The following ACSL1 variants were observed in gnomAD, a reference collection of about 807,000 sequenced individuals.
ACSL1 encodes acyl-CoA synthetase long chain family member 1.
A neutral mutation model predicts 98.4 loss-of-function variants in ACSL1; 41 were observed. That is an observed-to-expected ratio of 0.42 (90% CI 0.32 to 0.54). ACSL1 has a LOEUF of 0.54. Ranked by LOEUF, ACSL1 falls within the 20% of genes least tolerant of loss-of-function variation. The pLI is 0.13. For synonymous variants in ACSL1, 316 were observed against 322.7 expected, an observed-to-expected ratio of 0.98 and a Z score of 0.22; for missense variants, 734 against 883.1, an observed-to-expected ratio of 0.83 and a Z score of 2.14.
chr4:184,792,631 G>T (rs938565241), intron 2 of ACSL1, among the ~76,000 whole-genome samples: 4 of 152,174 alleles, frequency 2.6e-5, no homozygotes, highest in African/African-American at 7.2e-5. Flanking sequence ...TAGAGGCAAG[G>T]TCTCACTATG....
intron 4 of ACSL1, 141 bp downstream of exon 4, chr4:184,783,786 T>C: frequency 2.6e-6 from 2 of 767,280 alleles, no homozygotes; most frequent in East Asian, 2.5e-5. Context: ...AGTTTCTCCT[T>C]GGATGCCCCA....
At chr4:184,777,941 T>G (rs1765570104) in intron 5 of ACSL1, among the ~76,000 whole-genome samples, 1 of 152,180 alleles carries the variant, frequency 6.6e-6, no homozygotes, top group African/African-American at 2.4e-5. Flanking sequence ...AAACAGCGGC[T>G]GTGGGGCTCA....
chr4:184,764,752 A>G, intron 15 of ACSL1, 101 bp downstream of exon 15: 1 of 1,056,434 alleles, frequency 9.5e-7, no homozygotes, highest in Non-Finnish European at 1.4e-6. Flanking sequence ...ACTTTTGTTT[A>G]AGATGGTTAA....
At chr4:184,759,855 CTCTTCCTTGGCATCATCTGTCCAACAT>C (rs1579827050) in intron 18 of ACSL1, among the ~76,000 whole-genome samples, 1 of 152,232 alleles carries the variant, frequency 6.6e-6, no homozygotes, top group East Asian at 1.9e-4. Context: ...ACCAGATCCT[CTCTTCCTTGGCATCATCTGTCCAACAT>C]TTTGGCAAAT....
intron 5 of ACSL1, among the ~76,000 whole-genome samples, chr4:184,777,867 G>T (rs577697609): frequency 6.6e-6 from 1 of 152,144 alleles, no homozygotes; most frequent in Non-Finnish European, 1.5e-5. Flanking sequence ...TAGTGAGAGC[G>T]ATCTGACTGG....
Position 184,771,279 on chromosome 4 carries a change from C to T in ACSL1, c.916-803G>A, listed in dbSNP as rs57981372. Among the ~76,000 whole-genome samples, 875 of 152,236 alleles carry T rather than the reference C, an allele frequency of 5.7e-3. 10 individuals carry two copies. The highest frequency in any genetic ancestry group is 0.02 in the African/African-American group (839 of 41,534). ...GCTCTAATCAGTTAGTATTTCATCACTACAGTATCCTAGTACCCAGCAAGT... is the reference window on the plus strand; with the variant it reads ...GCTCTAATCAGTTAGTATTTCATCATTACAGTATCCTAGTACCCAGCAAGT... On this transcript the variant is annotated intron_variant, in intron 10 of 20. Coordinates refer to ENST00000281455, the MANE Select transcript of ACSL1 (RefSeq NM_001995.5).
Position 184,768,507 on chromosome 4 carries a change from A to AT in ACSL1, c.994-58dup. ...ATCACCACAGCAGGGGTTACACAAC[A>AT]TATGGACAACATCCAACATTTCAGT... On this transcript the variant is annotated intron_variant, in intron 11 of 20. Transcript: ENST00000281455. 1.9e-6 allele frequency: 3 copies of AT among 1,554,772 alleles called. No homozygotes were observed. The South Asian group carries it at 3.8e-5, about 20-fold the overall frequency.
chr4:184,773,936 T>C lies in ACSL1; in HGVS notation c.757-61A>G. The C allele has an allele frequency of 6.3e-7, 1 of 1,583,798 alleles. No individual in the cohort carries two copies. The highest frequency in any genetic ancestry group is 1.1e-5 in the South Asian group (1 of 89,512). ...CGTTTTCTAACTGTAAAGGATAAGG[T>C]CACATCGAGTCACTTAAAGCTGGCT... On this transcript the variant is annotated intron_variant, in intron 7 of 20. Coordinates refer to ENST00000281455, the MANE Select transcript of ACSL1 (RefSeq NM_001995.5). This position sits in a 1 kb window ranked among gnomAD's most constrained non-coding sequence, Gnocchi z 4.3.
intron 2 of ACSL1, among the ~76,000 whole-genome samples, chr4:184,793,215 T>C (rs989854286): frequency 7.2e-4 from 106 of 147,148 alleles, no homozygotes; most frequent in African/African-American, 2.5e-3. Flanking sequence ...AAAAAAAAGA[T>C]AGTGAGTCAA....
At chr4:184,801,833 A>T (rs1436202811) in intron 2 of ACSL1, among the ~76,000 whole-genome samples, 2 of 152,262 alleles carry the variant, frequency 1.3e-5, no homozygotes, top group Admixed American at 1.3e-4. Context: ...ACAAGGCACA[A>T]TGCCTTTATG....
chr4:184,777,395 C>T (rs1033331862), intron 5 of ACSL1, among the ~76,000 whole-genome samples: 4 of 150,414 alleles, frequency 2.7e-5, no homozygotes, highest in Admixed American at 2.0e-4. Context: ...GAGGTTGAGG[C>T]TGCAGTGAGC....
intron 2 of ACSL1, among the ~76,000 whole-genome samples, chr4:184,801,644 G>T (rs1279077642): frequency 6.6e-6 from 1 of 152,144 alleles, no homozygotes; most frequent in South Asian, 2.1e-4. Flanking sequence ...AAAAGGCAAA[G>T]CAAGCTCAGT....
chr4:184,762,600 CG>C, intron 16 of ACSL1, 77 bp from the exon 17 acceptor site: 1 of 1,268,648 alleles, frequency 7.9e-7, no homozygotes, highest in Non-Finnish European at 1.2e-6. Flanking sequence ...CATGTGTGTA[CG>C]TGTGTGTCTG....
chr4:184,761,672 C>A lies in ACSL1; in HGVS notation c.1638+735G>T, dbSNP rs546091193. Among the ~76,000 whole-genome samples the A allele has an allele frequency of 3.3e-5, 5 of 152,262 alleles. No homozygotes were observed. The East Asian group carries it at 9.7e-4, about 29-fold the overall frequency. On this transcript the variant is annotated intron_variant, in intron 17 of 20. Coordinates refer to ENST00000281455, the MANE Select transcript of ACSL1 (RefSeq NM_001995.5). ...ACAAACCTAAGAAACACATTTATTCCCAAATCCTTACCCATCCTACATTGC... is the reference window on the plus strand; with the variant it reads ...ACAAACCTAAGAAACACATTTATTCACAAATCCTTACCCATCCTACATTGC...
intron 7 of ACSL1, among the ~76,000 whole-genome samples, chr4:184,776,244 G>A (rs572195941): frequency 6.6e-6 from 1 of 152,316 alleles, no homozygotes; most frequent in Admixed American, 6.5e-5. Context: ...TCAGTGCTCT[G>A]GAATAAATAT....
At chr4:184,798,085 G>T (rs185919490) in intron 2 of ACSL1, among the ~76,000 whole-genome samples, 1 of 152,308 alleles carries the variant, frequency 6.6e-6, no homozygotes, top group Non-Finnish European at 1.5e-5. Flanking sequence ...GTGGAATTTA[G>T]TCATCCAACT....
chr4:184,815,283 G>C (rs2150489953), intron 1 of ACSL1, among the ~76,000 whole-genome samples: 1 of 152,310 alleles, frequency 6.6e-6, no homozygotes, highest in Non-Finnish European at 1.5e-5. Context: ...GAGGCAGGGA[G>C]GAGGCCCTGA....
intron 1 of ACSL1, among the ~76,000 whole-genome samples, chr4:184,809,638 A>C (rs1051989306): frequency 1.3e-5 from 2 of 150,586 alleles, no homozygotes; most frequent in Non-Finnish European, 3.0e-5. Flanking sequence ...TAAAAATACA[A>C]AAAAAAAATT....
intron 15 of ACSL1, among the ~76,000 whole-genome samples, chr4:184,763,656 C>T (rs1763175821): frequency 6.6e-6 from 1 of 152,212 alleles, no homozygotes; most frequent in African/African-American, 2.4e-5. Flanking sequence ...AGAACATATG[C>T]AGCTTTGGCA....
Sources: allele counts gnomAD v4.1 joint callset (sites outside exome capture counted in the v4.1 genomes callset), GRCh38; gene constraint gnomAD v4.1.1; non-coding constraint Gnocchi (gnomAD v3.1); transcripts MANE v1.5; gene names NCBI Gene and HGNC (gene_info 2026-07-23, HGNC 2026-07-21).